The following HIP1 variants were observed in gnomAD, a reference collection of about 807,000 sequenced individuals.
The protein encoded by HIP1 is huntingtin interacting protein 1, also known as huntingtin-interacting protein 1.
In HIP1, 65 loss-of-function variants were observed where a neutral mutation model predicts 147.6. The ratio of observed to expected loss-of-function variants is 0.44; its 90% CI spans 0.36 to 0.54. The LOEUF (loss-of-function observed/expected upper bound fraction) is 0.54, where lower values mean the gene tolerates loss of function less well. HIP1 is among the 20% of genes least tolerant of loss of function. HIP1 has a pLI of 0.00. For synonymous variants in HIP1, 479 were observed against 504.0 expected (o/e 0.95, Z 0.67); for missense variants, 1,061 against 1,299.6 (o/e 0.82, Z 2.82).
At chr7:75,732,965 G>GC (rs1801884410) in intron 1 of HIP1, among the ~76,000 whole-genome samples, 2 of 152,208 alleles carry the variant, frequency 1.3e-5, no homozygotes, top group Admixed American at 6.5e-5. Flanking sequence ...TGACTCACGA[G>GC]CCCCCCAGAG....
intron 9 of HIP1, chr7:75,563,500 T>C (rs782727287): frequency 3.8e-6 from 2 of 531,002 alleles, no homozygotes; most frequent in African/African-American, 1.9e-5. Flanking sequence ...TTTGGAAGAG[T>C]AGATAATCAA....
intron 1 of HIP1, among the ~76,000 whole-genome samples, chr7:75,650,582 T>C (rs1019741241): frequency 1.3e-5 from 2 of 151,896 alleles, no homozygotes; most frequent in Non-Finnish European, 2.9e-5. Context: ...CCTCCCAAGT[T>C]GCTGGAATTA....
At chr7:75,618,196 G>C (rs1797732380) in intron 1 of HIP1, among the ~76,000 whole-genome samples, 1 of 152,128 alleles carries the variant, frequency 6.6e-6, no homozygotes, top group South Asian at 2.1e-4. Flanking sequence ...CACCCAGGCT[G>C]GAGTGCAGTA....
chr7:75,545,717 G>A (rs185559006), intron 25 of HIP1, among the ~76,000 whole-genome samples: 1 of 152,178 alleles, frequency 6.6e-6, no homozygotes, highest in African/African-American at 2.4e-5. Context: ...AGGCCAAGGC[G>A]GGCAGATCAC....
intron 9 of HIP1, among the ~76,000 whole-genome samples, chr7:75,567,394 A>G (rs1021266462): frequency 6.6e-6 from 1 of 151,378 alleles, no homozygotes; most frequent in Non-Finnish European, 1.5e-5. Context: ...AATGGATGAA[A>G]TCTCTTTCTT....
intron 1 of HIP1, among the ~76,000 whole-genome samples, chr7:75,694,286 C>A (rs1800558932): frequency 6.6e-6 from 1 of 151,938 alleles, no homozygotes; most frequent in South Asian, 2.1e-4. Flanking sequence ...CCTCATTAAC[C>A]CTGGTGTTCT....
At chr7:75,712,025 G>A (rs1221671322) in intron 1 of HIP1, among the ~76,000 whole-genome samples, 1 of 152,152 alleles carries the variant, frequency 6.6e-6, no homozygotes, top group African/African-American at 2.4e-5. Flanking sequence ...AGAAATGACT[G>A]CCTGGCAACA....
rs1795477553 is a variant in HIP1 at position 75,568,127 on chromosome 7, T to G, written c.803+72A>C. 9.2e-7 allele frequency: 1 copy of G among 1,082,812 alleles called. No homozygotes were observed. Among genetic ancestry groups the G allele is most frequent in the Non-Finnish European group, 1.4e-6 (1 of 696,224 alleles). The allele number at this position is 1,082,812 out of a possible 1,614,324, so 67.1% of individuals were successfully genotyped here. On this transcript the variant is annotated intron_variant, in intron 9 of 30. Transcript: ENST00000336926. This position sits in a 1 kb window ranked among gnomAD's most constrained non-coding sequence, Gnocchi z 4.1. Reference sequence around the variant, plus strand: ...CACTGTGTCCAGCCACCTCTCACAGTGCACTTGCATGGCTTAATGATTTTA... The same window carrying G: ...CACTGTGTCCAGCCACCTCTCACAGGGCACTTGCATGGCTTAATGATTTTA...
chr7:75,558,173 C>T lies in HIP1; in HGVS notation c.1458G>A (p.Leu486=), dbSNP rs782053305. The change falls in exon 15 of 31, where the codon CTG becomes CTA. Residue 486 remains leucine, a synonymous_variant. Coordinates refer to ENST00000336926, the MANE Select transcript of HIP1 (RefSeq NM_005338.7). Reference sequence around the variant, plus strand: ...CAGGGGCTGAGGGTCTTACCTTCCGCAGCAGGTCAGCGTGGTTCTGAACCA... The same window carrying T: ...CAGGGGCTGAGGGTCTTACCTTCCGTAGCAGGTCAGCGTGGTTCTGAACCA... The part of the protein sequence containing the change: ...SELVQNHADL[L]RKNAEVTKQV... 2 of 1,613,640 alleles carry T rather than the reference C, an allele frequency of 1.2e-6. No homozygotes were observed. The highest frequency in any genetic ancestry group is 2.2e-5 in the East Asian group (1 of 44,884).
chr7:75,735,592 A>G (rs1554523554), intron 1 of HIP1, among the ~76,000 whole-genome samples: 1 of 152,000 alleles, frequency 6.6e-6, no homozygotes, highest in Non-Finnish European at 1.5e-5. Context: ...GCAACCTCAT[A>G]ATACATTTGA....
intron 22 of HIP1, among the ~76,000 whole-genome samples, chr7:75,551,258 T>G (rs895623846): frequency 1.5e-5 from 2 of 134,600 alleles, no homozygotes; most frequent in Non-Finnish European, 3.1e-5. Flanking sequence ...AGTGCAGTGG[T>G]GCAATCTCGG....
chr7:75,566,844 G>C (rs1795421472), intron 9 of HIP1, among the ~76,000 whole-genome samples: 1 of 151,342 alleles, frequency 6.6e-6, no homozygotes, highest in Non-Finnish European at 1.5e-5. Flanking sequence ...GGGAGGGGCT[G>C]GGCACAGTGA....
In HIP1 at chr7:75,538,145, A is replaced by G. The variant is rs1554489140; in HGVS notation, c.*27T>C. Reference sequence around the variant, plus strand: ...CACGAGATAGGTAACAAGGATTTACACTGACATATGGGGTGTTGGTTTGGC... The same window carrying G: ...CACGAGATAGGTAACAAGGATTTACGCTGACATATGGGGTGTTGGTTTGGC... On this transcript the variant is annotated 3_prime_UTR_variant, in exon 31 of 31. Coordinates refer to ENST00000336926, the MANE Select transcript of HIP1 (RefSeq NM_005338.7). 1.3e-6 allele frequency: 2 copies of G among 1,588,888 alleles called. No individual in the cohort carries two copies. The highest frequency in any genetic ancestry group is 1.1e-5 in the South Asian group (1 of 90,558).
intron 1 of HIP1, among the ~76,000 whole-genome samples, chr7:75,664,581 T>TATATACACATAC (rs1254689971): frequency 9.6e-5 from 14 of 145,430 alleles, no homozygotes; most frequent in African/African-American, 3.2e-4. Flanking sequence ...TATACATACA[T>TATATACACATAC]ATATATATGT....
intron 8 of HIP1, among the ~76,000 whole-genome samples, chr7:75,571,221 C>T (rs1795620251): frequency 6.6e-6 from 1 of 152,026 alleles, no homozygotes; most frequent in Admixed American, 6.6e-5. Flanking sequence ...ACCACCATGC[C>T]CAGCTTAACT....
At chr7:75,592,172 G>A (rs41281108) in intron 3 of HIP1, 60 bp from the exon 4 acceptor site, 53,669 of 1,538,512 alleles carry the variant, frequency 0.035, 1,097 homozygotes, top group Non-Finnish European at 0.041. Context: ...ACAAAGGGAA[G>A]GAGGATGGAG....
chr7:75,605,486 G>C (rs1448744312), intron 1 of HIP1, among the ~76,000 whole-genome samples: 3 of 152,186 alleles, frequency 2.0e-5, no homozygotes, highest in African/African-American at 4.8e-5. Flanking sequence ...AGCTGGGGTA[G>C]AGCTGGATGG....
In HIP1 at chr7:75,553,852, C is replaced by T. The variant is rs184691703; in HGVS notation, c.2158+261G>A. Among the ~76,000 whole-genome samples, 11 of 152,288 alleles carry T rather than the reference C, an allele frequency of 7.2e-5. No homozygotes were observed. In the East Asian group the frequency reaches 9.7e-4, roughly 13 times the overall value. On this transcript the variant is annotated intron_variant, in intron 21 of 30. Coordinates refer to ENST00000336926, the MANE Select transcript of HIP1 (RefSeq NM_005338.7). ...CTCCTGACCTCAGGTGATCTGCCCA[C>T]CTCGTCCTCCCAAAGTGTTACGGCG...
intron 7 of HIP1, among the ~76,000 whole-genome samples, chr7:75,580,437 G>A (rs930194700): frequency 1.3e-5 from 2 of 152,024 alleles, no homozygotes; most frequent in East Asian, 1.9e-4. Context: ...GAAACCACCC[G>A]CTTGGAAAAT....
Sources: allele counts gnomAD v4.1 joint callset (sites outside exome capture counted in the v4.1 genomes callset), GRCh38; gene constraint gnomAD v4.1.1; non-coding constraint Gnocchi (gnomAD v3.1); transcripts MANE v1.5; gene names NCBI Gene and HGNC (gene_info 2026-07-23, HGNC 2026-07-21).